The following PTPN9 variants were observed in gnomAD, a reference collection of about 807,000 sequenced individuals.
PTPN9 encodes the protein tyrosine-protein phosphatase non-receptor type 9.
In PTPN9, 26 loss-of-function variants were observed where a neutral mutation model predicts 69.8. The ratio of observed to expected loss-of-function variants is 0.37; its 90% CI spans 0.27 to 0.52. The LOEUF (loss-of-function observed/expected upper bound fraction) is 0.52. Ranked by LOEUF, PTPN9 falls within the 20% of genes least tolerant of loss-of-function variation. PTPN9 has a pLI of 0.91. For synonymous variants in PTPN9, 274 were observed against 272.5 expected (o/e 1.01, Z -0.05); for missense variants, 549 against 740.3 (o/e 0.74, Z 3.00).
chr15:75,506,245 A>T (rs1471969927), intron 6 of PTPN9, among the ~76,000 whole-genome samples: 4 of 152,208 alleles, frequency 2.6e-5, no homozygotes, highest in Non-Finnish European at 4.4e-5. Flanking sequence ...AATTAGGGAC[A>T]CTGTTATACA....
Position 75,499,399 on chromosome 15 carries a change from C to CTTTTT in PTPN9, c.968+6271_968+6275dup, listed in dbSNP as rs71440245. On this transcript the variant is annotated intron_variant, in intron 7 of 12. Transcript: ENST00000618819. ...ATGGCAACAAGACGATCTAAACCCA[C>CTTTTT]TTTTTTTTTTTTTTTTTTTTTTTTG... Among the ~76,000 whole-genome samples the CTTTTT allele has an allele frequency of 6.4e-4, 54 of 84,512 alleles. 1 individual carries two copies. The highest frequency in any genetic ancestry group is 8.5e-4 in the African/African-American group (17 of 19,892). The allele number at this position is 84,512 out of a possible 152,430, so 55.4% of individuals were successfully genotyped here. A position where few individuals can be genotyped will look rare whatever the true frequency, so the allele number is the denominator to read the frequency against.
chr15:75,504,886 G>A (rs1162681625), intron 7 of PTPN9, among the ~76,000 whole-genome samples: 2 of 151,704 alleles, frequency 1.3e-5, no homozygotes, highest in Admixed American at 6.6e-5. Context: ...GGAGGTGAGG[G>A]GCACCTCTGC....
rs142240420 is a variant in PTPN9, at chr15:75,496,497, A to ATT, written c.969-6197_969-6196insAA. The stretch of plus-strand genomic sequence containing the variant: ...ATAAAAGTCACTAAAAGTATTATTA[A>ATT]CTTTTTTTTTTTTTTTTGAGACAGG... On this transcript the variant is annotated intron_variant, in intron 7 of 12. Transcript: ENST00000618819. Among the ~76,000 whole-genome samples the ATT allele has an allele frequency of 8.1e-3, 1,189 of 147,618 alleles. 19 individuals carry two copies. The highest frequency in any genetic ancestry group is 0.021 in the Middle Eastern group (6 of 288).
chr15:75,535,952 G>A (rs1474493454), intron 1 of PTPN9, among the ~76,000 whole-genome samples: 7 of 152,040 alleles, frequency 4.6e-5, no homozygotes, highest in African/African-American at 1.7e-4. Context: ...AATATTTACT[G>A]GTTTATCTCA....
intron 7 of PTPN9, among the ~76,000 whole-genome samples, chr15:75,495,940 C>A (rs566258942): frequency 2.6e-5 from 4 of 151,940 alleles, no homozygotes; most frequent in African/African-American, 9.7e-5. Context: ...GAGTTTGGGA[C>A]CAGCCTGGGC....
intron 7 of PTPN9, among the ~76,000 whole-genome samples, chr15:75,494,897 G>A (rs1430722651): frequency 2.0e-5 from 3 of 151,808 alleles, no homozygotes; most frequent in African/African-American, 2.4e-5. Flanking sequence ...GATGGCACAC[G>A]CCTGTAGTCC....
chr15:75,522,938 C>A (rs1286813320), intron 4 of PTPN9, among the ~76,000 whole-genome samples, 183 bp downstream of exon 4: 1 of 152,172 alleles, frequency 6.6e-6, no homozygotes, highest in Non-Finnish European at 1.5e-5. Context: ...AGAGAACGCC[C>A]ACCATCTTGA....
In PTPN9 at chr15:75,524,202, C is replaced by T; in HGVS notation, c.297+7G>A. 1 of 1,566,074 alleles carries T rather than the reference C, an allele frequency of 6.4e-7. No homozygotes were observed. Among genetic ancestry groups the T allele is most frequent in the Non-Finnish European group, 8.7e-7 (1 of 1,143,220 alleles). On this transcript the variant is annotated splice_region_variant and intron_variant, in intron 3 of 12. Transcript: ENST00000618819. ...AGGCCCTACAAGATAGGTCCCTAAA[C>T]ACTCACTAAGATGGTGAATTTTCCA... is the stretch of plus-strand genomic sequence containing the variant.
At chr15:75,510,548 A>G (rs1453533739) in intron 5 of PTPN9, among the ~76,000 whole-genome samples, 1 of 151,950 alleles carries the variant, frequency 6.6e-6, no homozygotes, top group Non-Finnish European at 1.5e-5. Context: ...TGAAGTTCTT[A>G]ATTTTCAAAT....
intron 1 of PTPN9, among the ~76,000 whole-genome samples, chr15:75,546,429 G>A (rs1348050996): frequency 2.6e-5 from 4 of 152,006 alleles, no homozygotes; most frequent in African/African-American, 9.7e-5. Context: ...AGATCACGAG[G>A]TCAGGAGTTC....
At chr15:75,535,776 A>G (rs555512184) in intron 1 of PTPN9, among the ~76,000 whole-genome samples, 11 of 152,030 alleles carry the variant, frequency 7.2e-5, no homozygotes, top group Non-Finnish European at 1.6e-4. Context: ...TTTTATATCT[A>G]TTGATCTCTT....
At chr15:75,500,062 C>T (rs1595953657) in intron 7 of PTPN9, among the ~76,000 whole-genome samples, 2 of 152,118 alleles carry the variant, frequency 1.3e-5, no homozygotes, top group African/African-American at 4.8e-5. Flanking sequence ...GCCTGTAATC[C>T]TAGCACTTTG....
intron 9 of PTPN9, among the ~76,000 whole-genome samples, chr15:75,477,231 GTC>G (rs562771617): frequency 1.8e-3 from 267 of 152,304 alleles, no homozygotes; most frequent in African/African-American, 6.1e-3. Context: ...CCCTTGCAGA[GTC>G]TCTATAATAA....
rs1379978224 is a variant in PTPN9, at chr15:75,467,506, G to A, written c.*1263C>T. 1 of 152,602 alleles carries A rather than the reference G, an allele frequency of 6.6e-6. No homozygotes were observed. Among genetic ancestry groups the A allele is most frequent in the African/African-American group, 2.4e-5 (1 of 41,512 alleles). The allele number at this position is 152,602 out of a possible 1,614,324, so 9.5% of individuals were successfully genotyped here. On this transcript the variant is annotated 3_prime_UTR_variant, in exon 13 of 13. Coordinates refer to ENST00000618819, the MANE Select transcript of PTPN9 (RefSeq NM_002833.4). ...AGGGGACCACCTCACTCAGCCAGGG[G>A]GTGAAGCTTTTTATTGACACAGAAC...
intron 1 of PTPN9, among the ~76,000 whole-genome samples, chr15:75,551,966 T>C (rs1015019233): frequency 4.7e-5 from 7 of 147,498 alleles, no homozygotes; most frequent in Non-Finnish European, 1.0e-4. Context: ...GGAAACTGCC[T>C]GGGAGGTGGA....
chr15:75,563,622 T>C (rs1189090558), intron 1 of PTPN9, among the ~76,000 whole-genome samples: 2 of 152,234 alleles, frequency 1.3e-5, no homozygotes, highest in South Asian at 2.1e-4. Flanking sequence ...ACATTTTCTT[T>C]ATGCAGTCAA....
At chr15:75,554,125 C>A (rs1302162287) in intron 1 of PTPN9, among the ~76,000 whole-genome samples, 2 of 149,386 alleles carry the variant, frequency 1.3e-5, no homozygotes, top group African/African-American at 4.9e-5. Context: ...CTCAAATGAT[C>A]CTCCCACCTC....
At chr15:75,498,181 C>T (rs1315407888) in intron 7 of PTPN9, among the ~76,000 whole-genome samples, 3 of 151,782 alleles carry the variant, frequency 2.0e-5, no homozygotes, top group African/African-American at 2.4e-5. Context: ...GGCGACAGAG[C>T]GAGACCACAT....
intron 1 of PTPN9, among the ~76,000 whole-genome samples, chr15:75,542,956 G>A (rs1478682325): frequency 1.3e-5 from 2 of 148,374 alleles, no homozygotes; most frequent in African/African-American, 2.5e-5. Flanking sequence ...CCATTAACTC[G>A]TCATTTAGCA....
Sources: gnomAD v4.1 joint callset for allele counts (sites outside exome capture counted in the v4.1 genomes callset) on GRCh38, gnomAD v4.1.1 for gene constraint, MANE v1.5 for transcripts, NCBI Gene and HGNC (gene_info 2026-07-23, HGNC 2026-07-21) for gene names.